The following CCSER1 variants were observed in gnomAD, a reference collection of about 807,000 sequenced individuals.
CCSER1 encodes the protein serine-rich coiled-coil domain-containing protein 1.
A neutral mutation model predicts 82.0 loss-of-function variants in CCSER1; 41 were observed. The ratio of observed to expected loss-of-function variants is 0.50; its 90% CI spans 0.39 to 0.65. The LOEUF (loss-of-function observed/expected upper bound fraction) is 0.65, where lower values mean the gene tolerates loss of function less well. CCSER1 is among the 30% of genes least tolerant of loss of function. CCSER1 has a pLI of 0.00. For synonymous variants in CCSER1, 414 were observed against 383.9 expected (o/e 1.08, Z -0.92); for missense variants, 1,119 against 1,064.2 (o/e 1.05, Z -0.72).
At chr4:91,269,849 C>G (rs1358050914) in intron 10 of CCSER1, among the ~76,000 whole-genome samples, 1 of 152,026 alleles carries the variant, frequency 6.6e-6, no homozygotes, top group Non-Finnish European at 1.5e-5. Flanking sequence ...CAATTGTGTA[C>G]TTTTAAAATA....
At chr4:90,304,504 C>T (rs373174625) in intron 1 of CCSER1, among the ~76,000 whole-genome samples, 29 of 152,196 alleles carry the variant, frequency 1.9e-4, no homozygotes, top group South Asian at 4.1e-4. Flanking sequence ...TGTAGGGACA[C>T]GGATGAAATT....
chr4:91,318,022 AT>A (rs960126550), intron 10 of CCSER1, among the ~76,000 whole-genome samples: 3 of 151,878 alleles, frequency 2.0e-5, no homozygotes, highest in Non-Finnish European at 4.4e-5. Flanking sequence ...GGAGAGGCAG[AT>A]TTTTTTGTAG....
intron 7 of CCSER1, 138 bp downstream of exon 7, chr4:90,724,129 T>G: frequency 1.9e-6 from 1 of 534,090 alleles, no homozygotes. Flanking sequence ...AAATCGTTTT[T>G]TTGTGTGTTC....
At chr4:90,885,637 G>A (rs1275177065) in intron 8 of CCSER1, among the ~76,000 whole-genome samples, 2 of 152,112 alleles carry the variant, frequency 1.3e-5, no homozygotes, top group African/African-American at 2.4e-5. Flanking sequence ...GAACGATGAT[G>A]GAGTTGAGGA....
chr4:91,016,216 C>A, intron 9 of CCSER1, among the ~76,000 whole-genome samples: 1 of 151,962 alleles, frequency 6.6e-6, no homozygotes, highest in Middle Eastern at 3.4e-3. Context: ...TACTTTTTAT[C>A]TTTTCAAAAT....
At chr4:90,891,441 T>A (rs1428775731) in intron 8 of CCSER1, among the ~76,000 whole-genome samples, 1 of 151,646 alleles carries the variant, frequency 6.6e-6, no homozygotes, top group African/African-American at 2.4e-5. Context: ...TATACATATC[T>A]AATTTTTAAA....
At chr4:90,804,346 G>C (rs955197977) in intron 7 of CCSER1, among the ~76,000 whole-genome samples, 7 of 152,060 alleles carry the variant, frequency 4.6e-5, no homozygotes, top group Admixed American at 2.0e-4. Context: ...ATGGTCCTAG[G>C]TTTTACGTTT....
At chr4:90,885,372 A>G (rs1261529288) in intron 8 of CCSER1, among the ~76,000 whole-genome samples, 1 of 152,206 alleles carries the variant, frequency 6.6e-6, no homozygotes, top group East Asian at 1.9e-4. Context: ...GATATAATTG[A>G]ATTTATTGAA....
In CCSER1 at chr4:90,731,845, TTTATGA is replaced by T. The variant is rs1188403664; in HGVS notation, c.2010+7857_2010+7862del. Among the ~76,000 whole-genome samples, 24 of 152,314 alleles carry T rather than the reference TTTATGA, an allele frequency of 1.6e-4. No homozygotes were observed. The East Asian group carries it at 4.6e-3, about 29-fold the overall frequency. The stretch of plus-strand genomic sequence containing the variant: ...CTAAAATAATAATTTATTATTGATG[TTTATGA>T]TTCTGTAGGTCGACTAGACTCATCT... On this transcript the variant is annotated intron_variant, in intron 7 of 10. Transcript: ENST00000509176.
At chr4:90,255,650 C>T (rs1723147382) in intron 1 of CCSER1, among the ~76,000 whole-genome samples, 1 of 151,246 alleles carries the variant, frequency 6.6e-6, no homozygotes, top group Non-Finnish European at 1.5e-5. Flanking sequence ...ACAAAAACTA[C>T]TGATTACAGA....
intron 4 of CCSER1, among the ~76,000 whole-genome samples, chr4:90,444,929 A>T (rs1760434570): frequency 6.6e-6 from 1 of 152,038 alleles, no homozygotes; most frequent in African/African-American, 2.4e-5. Flanking sequence ...CATTTATTAT[A>T]TTGGAATCTA....
intron 7 of CCSER1, among the ~76,000 whole-genome samples, chr4:90,780,228 A>G (rs973473445): frequency 2.0e-5 from 3 of 152,182 alleles, no homozygotes; most frequent in African/African-American, 7.2e-5. Context: ...AGTGTGGACA[A>G]GTTTGGTCTT....
At chr4:90,570,370 A>G (rs1297559761) in intron 5 of CCSER1, among the ~76,000 whole-genome samples, 2 of 152,068 alleles carry the variant, frequency 1.3e-5, no homozygotes, top group African/African-American at 4.8e-5. Flanking sequence ...GCCTCACTGC[A>G]TTGGCTGGGC....
At chr4:91,018,486 G>A (rs1739635699) in intron 9 of CCSER1, among the ~76,000 whole-genome samples, 1 of 152,094 alleles carries the variant, frequency 6.6e-6, no homozygotes, top group Non-Finnish European at 1.5e-5. Flanking sequence ...AGCAGGCAGA[G>A]TCATCTTAGC....
At chr4:90,918,490 A>G (rs1304989839) in intron 8 of CCSER1, among the ~76,000 whole-genome samples, 3 of 151,888 alleles carry the variant, frequency 2.0e-5, no homozygotes, top group Non-Finnish European at 4.4e-5. Flanking sequence ...TGGCTTTGCC[A>G]TGGCTTTGTC....
At chr4:90,900,164 G>C (rs1468031936) in intron 8 of CCSER1, among the ~76,000 whole-genome samples, 1 of 143,762 alleles carries the variant, frequency 7.0e-6, no homozygotes, top group African/African-American at 2.6e-5. Context: ...GGTAGGCTCA[G>C]AGTTTCAGTT....
At chr4:90,504,027 G>A (rs961628838) in intron 5 of CCSER1, among the ~76,000 whole-genome samples, 1 of 151,756 alleles carries the variant, frequency 6.6e-6, no homozygotes, top group Non-Finnish European at 1.5e-5. Context: ...ATACATAATT[G>A]TATTCATAAC....
intron 10 of CCSER1, among the ~76,000 whole-genome samples, chr4:91,264,307 C>T (rs1485672828): frequency 6.6e-6 from 1 of 151,576 alleles, no homozygotes; most frequent in East Asian, 1.9e-4. Flanking sequence ...TAAATAGTTG[C>T]TTGCACAATA....
At chr4:91,156,668 TA>T (rs1031629128) in intron 10 of CCSER1, among the ~76,000 whole-genome samples, 6 of 151,844 alleles carry the variant, frequency 4.0e-5, no homozygotes, top group Non-Finnish European at 5.9e-5. Context: ...ATAAAAGCTG[TA>T]AAACAGGAAC....
Sources: allele counts gnomAD v4.1 joint callset (sites outside exome capture counted in the v4.1 genomes callset), GRCh38; gene constraint gnomAD v4.1.1; transcripts MANE v1.5; gene names NCBI Gene and HGNC (gene_info 2026-07-23, HGNC 2026-07-21).